PCDH15: variants seen among roughly 807,000 people sequenced by gnomAD.
PCDH15 encodes the protein protocadherin-15.
Under a neutral mutation model 178.5 loss-of-function variants are expected in PCDH15, and 129 were observed. That is an observed-to-expected ratio of 0.72 (90% CI 0.63 to 0.84). The LOEUF (loss-of-function observed/expected upper bound fraction) is 0.84. Ranked by LOEUF, PCDH15 falls within the 40% of genes least tolerant of loss-of-function variation. The pLI is 0.00. For missense variants in PCDH15, 2,230 were observed against 2,099.9 expected, an observed-to-expected ratio of 1.06 and a Z score of -1.21; for synonymous variants, 800 against 732.0, an observed-to-expected ratio of 1.09 and a Z score of -1.50.
intron 5 of PCDH15, 128 bp downstream of exon 5, chr10:54,368,992 A>C (rs1947232820): frequency 1.9e-6 from 2 of 1,036,902 alleles, no homozygotes; most frequent in Admixed American, 4.3e-5. Flanking sequence ...CTATTTTTTT[A>C]ATGTTTTCTT....
At chr10:54,500,935 G>T (rs2080619925) in intron 3 of PCDH15, among the ~76,000 whole-genome samples, 1 of 152,066 alleles carries the variant, frequency 6.6e-6, no homozygotes, top group African/African-American at 2.4e-5. Context: ...CATGTCCTTT[G>T]CAGGGACATA....
intron 21 of PCDH15, among the ~76,000 whole-genome samples, chr10:53,964,154 C>T (rs904299450): frequency 1.3e-5 from 2 of 152,058 alleles, no homozygotes; most frequent in Non-Finnish European, 2.9e-5. Context: ...CCTTCCTCTT[C>T]TCCAGGCGTT....
intron 3 of PCDH15, among the ~76,000 whole-genome samples, chr10:54,499,497 T>G (rs1231757857): frequency 6.6e-6 from 1 of 151,982 alleles, no homozygotes; most frequent in Non-Finnish European, 1.5e-5. Flanking sequence ...GCAACAAAAA[T>G]AGAAATCAAT....
intron 25 of PCDH15, among the ~76,000 whole-genome samples, chr10:53,910,316 C>T (rs183124100): frequency 3.3e-5 from 5 of 152,242 alleles, no homozygotes; most frequent in South Asian, 2.1e-4. Flanking sequence ...AGAAGAAGGA[C>T]CAGGCAGCAA....
At chr10:53,982,764 T>C (rs555954753) in intron 21 of PCDH15, among the ~76,000 whole-genome samples, 1 of 151,704 alleles carries the variant, frequency 6.6e-6, no homozygotes, top group East Asian at 1.9e-4. Context: ...GGCACATGTA[T>C]ACATATGTAA....
chr10:54,220,353 A>G (rs528966315), intron 9 of PCDH15, among the ~76,000 whole-genome samples: 218 of 152,350 alleles, frequency 1.4e-3, no homozygotes, highest in African/African-American at 4.8e-3. Flanking sequence ...GAAGTTAAGT[A>G]AAATATTCTG....
At chr10:54,345,960 G>C (rs145631582) in intron 6 of PCDH15, among the ~76,000 whole-genome samples, 1 of 151,996 alleles carries the variant, frequency 6.6e-6, no homozygotes, top group Non-Finnish European at 1.5e-5. Context: ...GAAGTTTAAA[G>C]GCTTATCAAC....
chr10:55,133,740 T>C (rs1838115707), intron 2 of PCDH15, among the ~76,000 whole-genome samples: 1 of 152,192 alleles, frequency 6.6e-6, no homozygotes, highest in Non-Finnish European at 1.5e-5. Context: ...AACTTCAGTA[T>C]TGCCATTGTC....
At chr10:54,363,464 T>C (rs1946352899) in intron 5 of PCDH15, among the ~76,000 whole-genome samples, 1 of 152,208 alleles carries the variant, frequency 6.6e-6, no homozygotes, top group African/African-American at 2.4e-5. Flanking sequence ...ATGAAATGTT[T>C]TTAAGAAAGA....
chr10:55,048,947 C>T (rs1248325770), intron 2 of PCDH15, among the ~76,000 whole-genome samples: 2 of 151,948 alleles, frequency 1.3e-5, no homozygotes, highest in East Asian at 3.9e-4. Flanking sequence ...TATTCAATAG[C>T]TTATTTAACA....
chr10:54,499,238 C>G (rs2080410732), intron 3 of PCDH15, among the ~76,000 whole-genome samples: 1 of 152,042 alleles, frequency 6.6e-6, no homozygotes. Context: ...CTTCAATACC[C>G]CAATGACAGT....
At chr10:55,215,715 C>T (rs1238116129) in intron 1 of PCDH15, among the ~76,000 whole-genome samples, 7 of 151,812 alleles carry the variant, frequency 4.6e-5, no homozygotes, top group Non-Finnish European at 7.4e-5. Context: ...TCATTAGTAC[C>T]CAATGCAGTG....
chr10:55,445,963 C>A (rs61851152), intron 2 of PCDH15, among the ~76,000 whole-genome samples: 10,529 of 152,136 alleles, frequency 0.069, 510 homozygotes, highest in Middle Eastern at 0.16. Context: ...TGGGGACATA[C>A]TAGAAACAAG....
rs189867097 is a variant in PCDH15 at position 55,284,896 on chromosome 10, A to G, written c.-156+34703T>C. On this transcript the variant is annotated intron_variant, in intron 1 of 5. Coordinates refer to the PCDH15 transcript ENST00000458638. ...TGCTAATGTTTGGCTTCTTCTGAATATTCATAGGGAATCAGAGTCTAGATA... is the reference window on the plus strand; with the variant it reads ...TGCTAATGTTTGGCTTCTTCTGAATGTTCATAGGGAATCAGAGTCTAGATA... Among the ~76,000 whole-genome samples the G allele has an allele frequency of 2.0e-3, 299 of 152,068 alleles. 1 individual carries two copies. Among genetic ancestry groups the G allele is most frequent in the African/African-American group, 6.8e-3 (283 of 41,536 alleles).
At chr10:53,939,026 A>C in intron 24 of PCDH15, 71 bp from the exon 25 acceptor site, 1 of 1,498,218 alleles carries the variant, frequency 6.7e-7, no homozygotes, top group Non-Finnish European at 9.2e-7. Flanking sequence ...TTTAAAAGGC[A>C]CTGTGATTTC....
intron 21 of PCDH15, among the ~76,000 whole-genome samples, chr10:53,992,840 GA>G (rs977769144): frequency 2.8e-4 from 42 of 152,158 alleles, no homozygotes; most frequent in Admixed American, 1.3e-3. Context: ...CAATTTAGTA[GA>G]GGGAAAAGTT....
At chr10:55,612,597 G>T (rs1253799557) in intron 2 of PCDH15, among the ~76,000 whole-genome samples, 1 of 152,014 alleles carries the variant, frequency 6.6e-6, no homozygotes, top group African/African-American at 2.4e-5. Flanking sequence ...AAAATATAGG[G>T]TTTTATTTAA....
At chr10:55,066,598 C>T (rs1407725432) in intron 2 of PCDH15, among the ~76,000 whole-genome samples, 1 of 141,472 alleles carries the variant, frequency 7.1e-6, no homozygotes, top group Non-Finnish European at 1.5e-5. Context: ...TTATTTTATT[C>T]TAAGATCTGT....
intron 1 of PCDH15, among the ~76,000 whole-genome samples, chr10:55,230,436 A>C (rs191397598): frequency 1.3e-5 from 2 of 152,246 alleles, no homozygotes; most frequent in East Asian, 3.9e-4. Flanking sequence ...ATATTTACTC[A>C]GTGGATTAAG....
Sources: gnomAD v4.1 joint callset for allele counts (sites outside exome capture counted in the v4.1 genomes callset) on GRCh38, gnomAD v4.1.1 for gene constraint, MANE v1.5 for transcripts, NCBI Gene and HGNC (gene_info 2026-07-23, HGNC 2026-07-21) for gene names.